Variants in KLHL23 observed in about 807,000 individuals in gnomAD.
KLHL23 encodes kelch-like protein 23.
Under a neutral mutation model 48.9 loss-of-function variants are expected in KLHL23, and 33 were observed. The ratio of observed to expected loss-of-function variants is 0.67; its 90% CI spans 0.51 to 0.90. The LOEUF (loss-of-function observed/expected upper bound fraction) is 0.90. Among genes scored for constraint, KLHL23 ranks in the 40% least tolerant of loss-of-function variants. The pLI is 0.00. For missense variants in KLHL23, 608 were observed against 669.6 expected, an observed-to-expected ratio of 0.91 and a Z score of 1.02; for synonymous variants, 234 against 231.6, an observed-to-expected ratio of 1.01 and a Z score of -0.09.
intron 2 of KLHL23, among the ~76,000 whole-genome samples, chr2:169,740,669 C>T (rs1688651946): frequency 6.6e-6 from 1 of 150,486 alleles, no homozygotes; most frequent in East Asian, 2.0e-4. Context: ...AGGATGGTCT[C>T]AATCTCCTGA....
In KLHL23 at chr2:169,749,930, T is replaced by TAC. The variant is rs1169471797; in HGVS notation, c.*208_*209dup. 5.8e-5 allele frequency: 5 copies of TAC among 86,256 alleles called. 1 individual carries two copies. Among genetic ancestry groups the TAC allele is most frequent in the Non-Finnish European group, 8.7e-5 (4 of 46,118 alleles). 5.3% of individuals were successfully genotyped at this position (86,256 alleles called of 1,614,324 possible). A position where few individuals can be genotyped will look rare whatever the true frequency, so the allele number is the denominator to read the frequency against. On this transcript the variant is annotated 3_prime_UTR_variant, in exon 4 of 4. Coordinates refer to ENST00000392647, the MANE Select transcript of KLHL23 (RefSeq NM_144711.6). Reference sequence around the variant, plus strand: ...GAAAAATCTTATATATATATATATATACACACACACATATATGTGTTCATA... The same window carrying TAC: ...GAAAAATCTTATATATATATATATATACACACACACACATATATGTGTTCATA...
intron 3 of KLHL23, 25 bp from the exon 4 acceptor site, chr2:169,749,397 T>C: frequency 1.3e-6 from 2 of 1,547,928 alleles, no homozygotes; most frequent in South Asian, 1.2e-5. Context: ...AAAAAAATGC[T>C]GTTTTCTTTT....
chr2:169,735,992 G>A lies in KLHL23; in HGVS notation c.978G>A (p.Gly326=). 1.9e-5 allele frequency: 30 copies of A among 1,614,146 alleles called. No individual in the cohort carries two copies. Among genetic ancestry groups the A allele is most frequent in the Non-Finnish European group, 2.5e-5 (30 of 1,180,032 alleles). Residue 326 remains glycine (G), a synonymous_variant, in exon 2 of 4, where the codon GGG becomes GGA. Coordinates refer to ENST00000392647, the MANE Select transcript of KLHL23 (RefSeq NM_144711.6). The surrounding 1 kb of genome is among the most constrained non-coding windows in gnomAD (Gnocchi z 4.5). The stretch of plus-strand genomic sequence containing the variant: ...TAGGACCCAACATTTATGTAACTGG[G>A]GGCTACAGGACGGATAACATAGAAG... ...TCLGPNIYVT[G]GYRTDNIEAL...
chr2:169,749,962 T>TTC lies in KLHL23; in HGVS notation c.*230_*231insTC, dbSNP rs1688908287. ...ACACATATATGTGTTCATATATATG[T>TTC]ATACATATATATGTGTATATATACG... On this transcript the variant is annotated 3_prime_UTR_variant, in exon 4 of 4. Coordinates refer to ENST00000392647, the MANE Select transcript of KLHL23 (RefSeq NM_144711.6). 2.6e-5 allele frequency: 3 copies of TTC among 113,816 alleles called. No homozygotes were observed. Among genetic ancestry groups the TTC allele is most frequent in the Non-Finnish European group, 3.2e-5 (2 of 63,442 alleles). The allele number at this position is 113,816 out of a possible 1,614,324, so 7.1% of individuals were successfully genotyped here.
Position 169,735,150 on chromosome 2 carries a change from A to G in KLHL23, c.136A>G (p.Ile46Val), listed in dbSNP as rs1688479765. Residue 46 changes from isoleucine to valine, a missense_variant, in exon 2 of 4, where the codon ATA becomes GTA. Transcript: ENST00000392647. The surrounding 1 kb of genome is among the most constrained non-coding windows in gnomAD (Gnocchi z 4.5). ...TATTACTCTTCAGTGTCCTTCAGGC[A>G]TAATTTTCCATTGTCACCGAGCCGT... ...TDITLQCPSG[I>V]IFHCHRAVLA... The G allele has an allele frequency of 6.2e-7, 1 of 1,613,540 alleles. No homozygotes were observed. The highest frequency in any genetic ancestry group is 8.5e-7 in the Non-Finnish European group (1 of 1,179,918).
Position 169,734,153 on chromosome 2 carries a change from G to GCGGGGCCGGGCGCGGGC in KLHL23, c.-3+66_-3+67insCGGGGCCGGGCGCGGGC, listed in dbSNP as rs1558943867. On this transcript the variant is annotated intron_variant, in intron 1 of 3. Transcript: ENST00000392647. Reference sequence around the variant, plus strand: ...GGGAGCGAGCGGGGCCGGGCGCGGGGAGCGGGGCCGGGCGCGGGCAGCGGG... The same window carrying GCGGGGCCGGGCGCGGGC: ...GGGAGCGAGCGGGGCCGGGCGCGGGGCGGGGCCGGGCGCGGGCAGCGGGGCCGGGCGCGGGCAGCGGG... The GCGGGGCCGGGCGCGGGC allele has an allele frequency of 7.6e-3, 1,110 of 146,596 alleles. 8 individuals are homozygous for GCGGGGCCGGGCGCGGGC. Among genetic ancestry groups the GCGGGGCCGGGCGCGGGC allele is most frequent in the East Asian group, 0.023 (111 of 4,906 alleles). The allele number at this position is 146,596 out of a possible 1,614,324, so 9.1% of individuals were successfully genotyped here. A position where few individuals can be genotyped will look rare whatever the true frequency, so the allele number is the denominator to read the frequency against.
At chr2:169,740,792 A>AT (rs1688660761) in intron 2 of KLHL23, among the ~76,000 whole-genome samples, 2 of 138,874 alleles carry the variant, frequency 1.4e-5, no homozygotes, top group African/African-American at 5.6e-5. Flanking sequence ...ATATATATAT[A>AT]ACTTATTTAT....
At chr2:169,741,341 G>A (rs756894260) in intron 2 of KLHL23, 44 bp from the exon 3 acceptor site, 2 of 1,562,402 alleles carry the variant, frequency 1.3e-6, no homozygotes, top group Non-Finnish European at 1.7e-6. Context: ...CTGCAAAAAA[G>A]AACAAAAGAT....
rs764979727 is a variant in KLHL23 at position 169,735,168 on chromosome 2, C to T, written c.154C>T (p.Arg52Ter). The T allele has an allele frequency of 6.2e-7, 1 of 1,612,656 alleles. No individual in the cohort carries two copies. ...CPSGIIFHCH[R>*]AVLAACSNYF... Reference sequence around the variant, plus strand: ...TTCAGGCATAATTTTCCATTGTCACCGAGCCGTTTTAGCTGCTTGCAGCAA... The same window carrying T: ...TTCAGGCATAATTTTCCATTGTCACTGAGCCGTTTTAGCTGCTTGCAGCAA... The change falls in exon 2 of 4, where the codon CGA becomes TGA. Residue 52 changes from arginine to a stop codon, truncating the protein, a stop_gained. Transcript: ENST00000392647. LOFTEE classifies it high-confidence loss of function. This position sits in a 1 kb window ranked among gnomAD's most constrained non-coding sequence, Gnocchi z 4.5.
At chr2:169,740,531 C>T (rs192078691) in intron 2 of KLHL23, among the ~76,000 whole-genome samples, 29 of 150,644 alleles carry the variant, frequency 1.9e-4, no homozygotes, top group African/African-American at 6.8e-4. Flanking sequence ...TCACTGCAAG[C>T]TCAGTCTCCT....
chr2:169,738,091 C>T (rs1688559782), intron 2 of KLHL23, among the ~76,000 whole-genome samples: 1 of 152,190 alleles, frequency 6.6e-6, no homozygotes, highest in South Asian at 2.1e-4. Flanking sequence ...CCTCCCTCAC[C>T]TGCTAACTGG....
chr2:169,747,404 A>AAAAAAC (rs1553477653), intron 3 of KLHL23, among the ~76,000 whole-genome samples: 2 of 150,506 alleles, frequency 1.3e-5, no homozygotes, highest in Non-Finnish European at 3.0e-5. Context: ...AAAAAAAAAA[A>AAAAAAC]AAAACTGAGG....
chr2:169,747,584 G>A (rs1200822325), intron 3 of KLHL23, among the ~76,000 whole-genome samples: 2 of 151,266 alleles, frequency 1.3e-5, no homozygotes, highest in Non-Finnish European at 2.9e-5. Flanking sequence ...TTACAGGTGT[G>A]CACCACCACA....
At chr2:169,746,106 C>T (rs934323254) in intron 3 of KLHL23, among the ~76,000 whole-genome samples, 2 of 151,976 alleles carry the variant, frequency 1.3e-5, no homozygotes, top group Non-Finnish European at 2.9e-5. Flanking sequence ...TGTGAAGAGC[C>T]GAGAGGAAGC....
chr2:169,735,328 G>T lies in KLHL23; in HGVS notation c.314G>T (p.Arg105Ile), dbSNP rs759110549. The T allele has an allele frequency of 1.7e-5, 27 of 1,613,412 alleles. No individual in the cohort carries two copies. The South Asian group carries it at 2.9e-4, about 17-fold the overall frequency. ...ACTTCCCAAATTGAAATAACTAAAA[G>T]AAATGTTCAAAGCCTGCTTGAGGCA... is the stretch of plus-strand genomic sequence containing the variant. ...AYTSQIEITK[R>I]NVQSLLEAAD... is the part of the protein sequence containing the mutation. The change falls in exon 2 of 4, where the codon AGA becomes ATA. Residue 105 changes from arginine (R) to isoleucine (I), a missense_variant. By Grantham distance (97) the Arg-to-Ile change is moderately conservative. Coordinates refer to ENST00000392647, the MANE Select transcript of KLHL23 (RefSeq NM_144711.6). The surrounding 1 kb of genome is among the most constrained non-coding windows in gnomAD (Gnocchi z 4.5).
At chr2:169,738,179 C>T (rs1688561700) in intron 2 of KLHL23, among the ~76,000 whole-genome samples, 1 of 152,184 alleles carries the variant, frequency 6.6e-6, no homozygotes, top group Admixed American at 6.5e-5. Flanking sequence ...GGAGAGGTAA[C>T]ACTGCCAGTT....
At chr2:169,738,152 A>G (rs1024135429) in intron 2 of KLHL23, among the ~76,000 whole-genome samples, 2 of 152,198 alleles carry the variant, frequency 1.3e-5, no homozygotes, top group African/African-American at 4.8e-5. Context: ...ATTCTTGTTT[A>G]TATCTAGTCA....
Position 169,735,221 on chromosome 2 carries a change from C to G in KLHL23, c.207C>G (p.Asp69Glu). The change falls in exon 2 of 4, where the codon GAC becomes GAG. Residue 69 changes from aspartate to glutamate, a missense_variant. Coordinates refer to ENST00000392647, the MANE Select transcript of KLHL23 (RefSeq NM_144711.6). This position sits in a 1 kb window ranked among gnomAD's most constrained non-coding sequence, Gnocchi z 4.5. ...ATTTTAAGGCAATGTTCACAGCTGA[C>G]ATGAAAGAAAAATTTAAAAATAAAA... is the stretch of plus-strand genomic sequence containing the variant. ...SNYFKAMFTA[D>E]MKEKFKNKIK... is the part of the protein sequence containing the mutation. 6.2e-7 allele frequency: 1 copy of G among 1,603,084 alleles called. No homozygotes were observed. The highest frequency in any genetic ancestry group is 2.2e-5 in the East Asian group (1 of 44,828).
chr2:169,746,926 A>G (rs1688803909), intron 3 of KLHL23, among the ~76,000 whole-genome samples: 2 of 152,244 alleles, frequency 1.3e-5, no homozygotes, highest in Non-Finnish European at 2.9e-5. Context: ...TTTCACAAGT[A>G]CTTGAAACAA....
Sources: allele counts gnomAD v4.1 joint callset (sites outside exome capture counted in the v4.1 genomes callset), GRCh38; gene constraint gnomAD v4.1.1; non-coding constraint Gnocchi (gnomAD v3.1); transcripts MANE v1.5; gene names NCBI Gene and HGNC (gene_info 2026-07-23, HGNC 2026-07-21).